Variants in CNTNAP2 observed in about 807,000 individuals in gnomAD.
The protein encoded by CNTNAP2 is contactin associated protein 2, also known as contactin-associated protein-like 2.
Under a neutral mutation model 155.2 loss-of-function variants are expected in CNTNAP2, and 98 were observed. The observed-to-expected ratio is 0.63, with a 90% confidence interval of 0.54 to 0.75. The LOEUF is 0.75. Ranked by LOEUF, CNTNAP2 falls within the 30% of genes least tolerant of loss-of-function variation. The pLI, the probability that CNTNAP2 is intolerant of heterozygous loss-of-function variation, is 0.00. For missense variants in CNTNAP2, 1,727 were observed against 1,688.1 expected, an observed-to-expected ratio of 1.02 and a Z score of -0.40; for synonymous variants, 651 against 631.2, an observed-to-expected ratio of 1.03 and a Z score of -0.47.
intron 2 of CNTNAP2, among the ~76,000 whole-genome samples, chr7:146,814,767 G>T (rs1803131988): frequency 6.6e-6 from 1 of 152,032 alleles, no homozygotes; most frequent in Non-Finnish European, 1.5e-5. Context: ...TCACCCCAAA[G>T]AAATACAAAT....
intron 8 of CNTNAP2, among the ~76,000 whole-genome samples, chr7:147,296,518 C>A (rs1187170805): frequency 6.6e-6 from 1 of 152,138 alleles, no homozygotes; most frequent in Non-Finnish European, 1.5e-5. Context: ...TAAGAAATAA[C>A]ATTTATTGTT....
intron 13 of CNTNAP2, among the ~76,000 whole-genome samples, chr7:147,851,574 A>G (rs1292410321): frequency 2.0e-5 from 3 of 151,916 alleles, no homozygotes. Flanking sequence ...CATATACACC[A>G]TGGAATACTA....
intron 1 of CNTNAP2, among the ~76,000 whole-genome samples, chr7:146,509,625 G>T (rs1797437200): frequency 6.6e-6 from 1 of 152,146 alleles, no homozygotes; most frequent in African/African-American, 2.4e-5. Flanking sequence ...CTCGGTGTCA[G>T]ATCGGGCAGG....
chr7:146,508,737 T>G (rs866691254), intron 1 of CNTNAP2, among the ~76,000 whole-genome samples: 1 of 152,212 alleles, frequency 6.6e-6, no homozygotes, highest in South Asian at 2.1e-4. Flanking sequence ...TCAAGCAGCA[T>G]CATCCCGCCC....
At chr7:146,857,661 C>T (rs553524011) in intron 3 of CNTNAP2, among the ~76,000 whole-genome samples, 18 of 152,092 alleles carry the variant, frequency 1.2e-4, no homozygotes, top group Admixed American at 2.0e-4. Context: ...CAATGAGGGA[C>T]GAGAGAGCCT....
intron 1 of CNTNAP2, among the ~76,000 whole-genome samples, chr7:146,714,803 A>G (rs943392349): frequency 1.3e-5 from 2 of 152,194 alleles, no homozygotes; most frequent in Non-Finnish European, 2.9e-5. Flanking sequence ...ATTCCTTCAA[A>G]ATAAGTGACA....
chr7:148,208,870 G>A (rs1795497669), intron 18 of CNTNAP2, among the ~76,000 whole-genome samples: 2 of 151,926 alleles, frequency 1.3e-5, no homozygotes, highest in African/African-American at 4.8e-5. Context: ...AGGGGTCCCC[G>A]GGGTGCCCTA....
At chr7:146,162,986 A>G (rs1798247973) in intron 1 of CNTNAP2, among the ~76,000 whole-genome samples, 1 of 152,160 alleles carries the variant, frequency 6.6e-6, no homozygotes, top group African/African-American at 2.4e-5. Context: ...GGTGGGGAAC[A>G]TCACACACTG....
intron 1 of CNTNAP2, among the ~76,000 whole-genome samples, chr7:146,648,840 G>A: frequency 6.6e-6 from 1 of 152,062 alleles, no homozygotes; most frequent in Admixed American, 6.6e-5. Context: ...AATGGAAATA[G>A]AAGAATAGGA....
intron 9 of CNTNAP2, among the ~76,000 whole-genome samples, chr7:147,360,470 G>A (rs896914301): frequency 3.9e-5 from 6 of 151,942 alleles, no homozygotes; most frequent in Non-Finnish European, 7.4e-5. Context: ...AAAGACATGA[G>A]ATAATTTTTC....
At chr7:146,785,044 G>A (rs1283533589) in intron 2 of CNTNAP2, among the ~76,000 whole-genome samples, 3 of 150,052 alleles carry the variant, frequency 2.0e-5, no homozygotes, top group African/African-American at 4.9e-5. Flanking sequence ...ATCAGGGCTC[G>A]CTACAGCCTC....
At chr7:147,961,199 A>G (rs1801115787) in intron 14 of CNTNAP2, among the ~76,000 whole-genome samples, 1 of 152,036 alleles carries the variant, frequency 6.6e-6, no homozygotes, top group Non-Finnish European at 1.5e-5. Context: ...TCCCCTCAAC[A>G]TTATATCTCT....
At chr7:146,798,794 A>G (rs1802817038) in intron 2 of CNTNAP2, among the ~76,000 whole-genome samples, 1 of 152,314 alleles carries the variant, frequency 6.6e-6, no homozygotes, top group Non-Finnish European at 1.5e-5. Flanking sequence ...TTAAATGGTC[A>G]TTATCCTCAT....
At chr7:147,261,466 G>A (rs1804463754) in intron 8 of CNTNAP2, among the ~76,000 whole-genome samples, 1 of 151,872 alleles carries the variant, frequency 6.6e-6, no homozygotes, top group Non-Finnish European at 1.5e-5. Flanking sequence ...ACAATTCTAT[G>A]TTGTTCAGCC....
intron 1 of CNTNAP2, among the ~76,000 whole-genome samples, chr7:146,375,640 T>C (rs1173138261): frequency 2.0e-5 from 3 of 152,232 alleles, no homozygotes; most frequent in South Asian, 4.1e-4. Context: ...TTGTGAGATT[T>C]GAGGCATGTT....
intron 1 of CNTNAP2, among the ~76,000 whole-genome samples, chr7:146,554,762 C>T (rs918968626): frequency 6.6e-5 from 10 of 152,218 alleles, no homozygotes; most frequent in Non-Finnish European, 1.0e-4. Context: ...GACAGCTGCC[C>T]AGGCAGGTGG....
At chr7:148,030,551 G>GA (rs2116461153) in intron 15 of CNTNAP2, among the ~76,000 whole-genome samples, 1 of 152,020 alleles carries the variant, frequency 6.6e-6, no homozygotes, top group African/African-American at 2.4e-5. Flanking sequence ...GAGGATTAGG[G>GA]ATTCTCTAAG....
chr7:146,619,758 T>C (rs1336193837), intron 1 of CNTNAP2, among the ~76,000 whole-genome samples: 1 of 152,206 alleles, frequency 6.6e-6, no homozygotes, highest in East Asian at 1.9e-4. Context: ...CTTCTAAAAC[T>C]GACTGTTTTG....
intron 3 of CNTNAP2, among the ~76,000 whole-genome samples, chr7:146,935,320 A>G (rs1028110960): frequency 2.0e-5 from 3 of 152,196 alleles, no homozygotes; most frequent in African/African-American, 7.2e-5. Context: ...TTTACTTGTG[A>G]AGGATTTGGC....
Sources: allele counts gnomAD v4.1 joint callset (sites outside exome capture counted in the v4.1 genomes callset), GRCh38; gene constraint gnomAD v4.1.1; transcripts MANE v1.5; gene names NCBI Gene and HGNC (gene_info 2026-07-23, HGNC 2026-07-21).